SH3RF1: variants seen among roughly 807,000 people sequenced by gnomAD.
SH3RF1 encodes the protein SH3 domain containing ring finger 1.
SH3RF1 carries 32 observed loss-of-function variants against 74.0 expected under a neutral mutation model. The ratio of observed to expected loss-of-function variants is 0.43; its 90% CI spans 0.33 to 0.58. The LOEUF is 0.58. SH3RF1 is among the 20% of genes least tolerant of loss of function. The pLI is 0.05. For synonymous variants in SH3RF1, 396 were observed against 439.6 expected, an observed-to-expected ratio of 0.90 and a Z score of 1.24; for missense variants, 954 against 1,130.9, an observed-to-expected ratio of 0.84 and a Z score of 2.24.
chr4:169,135,804 A>AC (rs1454941415), intron 5 of SH3RF1, among the ~76,000 whole-genome samples: 1 of 152,214 alleles, frequency 6.6e-6, no homozygotes, highest in African/African-American at 2.4e-5. Flanking sequence ...TAATGAACTT[A>AC]GAAAGTGTGA....
intron 2 of SH3RF1, among the ~76,000 whole-genome samples, chr4:169,236,376 TA>T (rs1730824275): frequency 6.6e-6 from 1 of 152,190 alleles, no homozygotes; most frequent in Non-Finnish European, 1.5e-5. Flanking sequence ...CTAATGACTA[TA>T]ATGAGCGGTG....
At chr4:169,254,225 A>G (rs1579164942) in intron 2 of SH3RF1, among the ~76,000 whole-genome samples, 1 of 152,326 alleles carries the variant, frequency 6.6e-6, no homozygotes, top group African/African-American at 2.4e-5. Flanking sequence ...TTCCATCAAG[A>G]AGTATTTACT....
intron 2 of SH3RF1, among the ~76,000 whole-genome samples, chr4:169,172,992 G>A (rs1734357199): frequency 6.6e-6 from 1 of 152,140 alleles, no homozygotes; most frequent in South Asian, 2.1e-4. Context: ...ACTAAAATGT[G>A]TAAGAAAAAG....
At chr4:169,134,525 C>T (rs982422471) in intron 5 of SH3RF1, among the ~76,000 whole-genome samples, 3 of 152,200 alleles carry the variant, frequency 2.0e-5, no homozygotes, top group Non-Finnish European at 4.4e-5. Flanking sequence ...AAGACAACAT[C>T]ATTGTGCAAA....
At chr4:169,230,463 A>G (rs1730718109) in intron 2 of SH3RF1, among the ~76,000 whole-genome samples, 2 of 152,190 alleles carry the variant, frequency 1.3e-5, no homozygotes, top group African/African-American at 4.8e-5. Context: ...GAGATGGGAA[A>G]TTTCCTTTAG....
At chr4:169,237,574 A>C (rs1343572500) in intron 2 of SH3RF1, among the ~76,000 whole-genome samples, 1 of 152,206 alleles carries the variant, frequency 6.6e-6, no homozygotes, top group African/African-American at 2.4e-5. Flanking sequence ...GCATGCTAAA[A>C]ATATGAATTT....
Position 169,155,550 on chromosome 4 carries a change from C to G in SH3RF1, c.695G>C (p.Arg232Thr), listed in dbSNP as rs1478796325. ...AKDDVLTVIRRVDENWAEGML... is the reference protein window; with the variant it reads ...AKDDVLTVIRTVDENWAEGML... ...TCCTTCAGCCCAGTTTTCATCCACT[C>G]TTCGGATCACAGTCAGAACATCATC... The change falls in exon 4 of 12, where the codon AGA becomes ACA. Residue 232 changes from arginine to threonine, a missense_variant. Transcript: ENST00000284637. 1 of 1,613,484 alleles carries G rather than the reference C, an allele frequency of 6.2e-7. No individual in the cohort carries two copies. Among genetic ancestry groups the G allele is most frequent in the East Asian group, 2.2e-5 (1 of 44,872 alleles).
intron 11 of SH3RF1, among the ~76,000 whole-genome samples, chr4:169,103,880 T>C (rs1733085334): frequency 6.6e-6 from 1 of 152,146 alleles, no homozygotes; most frequent in Admixed American, 6.5e-5. Flanking sequence ...TTGTAAAAAT[T>C]TAAATGGTTA....
chr4:169,253,596 T>A (rs1731138025), intron 2 of SH3RF1, among the ~76,000 whole-genome samples: 1 of 152,220 alleles, frequency 6.6e-6, no homozygotes, highest in Admixed American at 6.5e-5. Flanking sequence ...TTGCCTCTCA[T>A]AGGATTCAAA....
chr4:169,269,093 G>GAT lies in SH3RF1; in HGVS notation c.118_119dup (p.Val41SerfsTer2). 6.2e-7 allele frequency: 1 copy of GAT among 1,614,112 alleles called. No individual in the cohort carries two copies. Among genetic ancestry groups the GAT allele is most frequent in the Non-Finnish European group, 8.5e-7 (1 of 1,180,026 alleles). Reference sequence around the variant, plus strand: ...ATCTGAGTTCATTTCGAGAACCTACGATCCCCAGCAAACATCGCTTGCAAA... The same window carrying GAT: ...ATCTGAGTTCATTTCGAGAACCTACGATATCCCCAGCAAACATCGCTTGCAAA... On this transcript the variant is annotated frameshift_variant, in exon 2 of 12. Transcript: ENST00000284637. LOFTEE classifies it high-confidence loss of function.
At chr4:169,160,375 C>T (rs193083798) in intron 2 of SH3RF1, among the ~76,000 whole-genome samples, 103 of 152,268 alleles carry the variant, frequency 6.8e-4, no homozygotes, top group Non-Finnish European at 3.5e-4. Context: ...AAATCTATTA[C>T]ATGTTCCTAA....
At chr4:169,228,864 C>T (rs1730690853) in intron 2 of SH3RF1, among the ~76,000 whole-genome samples, 1 of 152,082 alleles carries the variant, frequency 6.6e-6, no homozygotes, top group Non-Finnish European at 1.5e-5. Context: ...TAGACTAATT[C>T]TAATGAATAC....
At chr4:169,130,240 A>C in intron 5 of SH3RF1, 84 bp from the exon 6 acceptor site, 1 of 968,684 alleles carries the variant, frequency 1.0e-6, no homozygotes, top group South Asian at 2.3e-5. Flanking sequence ...AAGGCAAGTC[A>C]CATTAAAAAA....
intron 2 of SH3RF1, among the ~76,000 whole-genome samples, chr4:169,215,257 A>G (rs1205586443): frequency 6.6e-6 from 1 of 152,204 alleles, no homozygotes; most frequent in Admixed American, 6.5e-5. Context: ...GATTACATTA[A>G]TTGATTTTTC....
intron 11 of SH3RF1, among the ~76,000 whole-genome samples, chr4:169,100,487 GT>G (rs1733001892): frequency 1.3e-5 from 2 of 152,092 alleles, no homozygotes; most frequent in Admixed American, 1.3e-4. Flanking sequence ...GATTACAGGT[GT>G]GTGCCATCAT....
At chr4:169,262,060 TA>T (rs1731287697) in intron 2 of SH3RF1, among the ~76,000 whole-genome samples, 1 of 152,168 alleles carries the variant, frequency 6.6e-6, no homozygotes, top group African/African-American at 2.4e-5. Context: ...ACATAATTAG[TA>T]CACTTTTCTA....
At chr4:169,126,495 C>T (rs1016610620) in intron 6 of SH3RF1, among the ~76,000 whole-genome samples, 3 of 152,236 alleles carry the variant, frequency 2.0e-5, no homozygotes, top group Non-Finnish European at 4.4e-5. Context: ...GCTTAGCCTC[C>T]ACCATGGCTA....
chr4:169,192,885 GAT>G (rs1472204884), intron 2 of SH3RF1, among the ~76,000 whole-genome samples: 18 of 141,990 alleles, frequency 1.3e-4, no homozygotes, highest in African/African-American at 3.3e-4. Flanking sequence ...ATATATATGT[GAT>G]ATGTTTCTTT....
intron 2 of SH3RF1, among the ~76,000 whole-genome samples, chr4:169,262,009 T>C (rs914812496): frequency 1.3e-5 from 2 of 152,158 alleles, no homozygotes; most frequent in East Asian, 3.9e-4. Context: ...TGAGTAAAAA[T>C]ACTATGAGAA....
Sources: gnomAD v4.1 joint callset for allele counts (sites outside exome capture counted in the v4.1 genomes callset) on GRCh38, gnomAD v4.1.1 for gene constraint, MANE v1.5 for transcripts, NCBI Gene and HGNC (gene_info 2026-07-23, HGNC 2026-07-21) for gene names.